HIVEP3: variants seen among roughly 807,000 people sequenced by gnomAD.
The protein encoded by HIVEP3 is HIVEP zinc finger 3, also known as transcription factor HIVEP3.
In HIVEP3, 49 loss-of-function variants were observed where a neutral mutation model predicts 152.8. The observed-to-expected ratio is 0.32, with a 90% CI of 0.26 to 0.41. HIVEP3 has a LOEUF of 0.41. HIVEP3 is among the 10% of genes least tolerant of loss of function. HIVEP3 has a pLI of 1.00. For synonymous variants in HIVEP3, 1,269 were observed against 1,289.0 expected (o/e 0.98, Z 0.33); for missense variants, 2,790 against 3,103.3 (o/e 0.90, Z 2.40).
chr1:41,763,974 G>A (rs1308903665), intron 1 of HIVEP3, among the ~76,000 whole-genome samples: 1 of 152,186 alleles, frequency 6.6e-6, no homozygotes, highest in Non-Finnish European at 1.5e-5. Context: ...GGAAGGAAGG[G>A]CTCTCCCAGC....
chr1:41,692,236 A>C (rs1188695263), intron 2 of HIVEP3, among the ~76,000 whole-genome samples: 1 of 152,198 alleles, frequency 6.6e-6, no homozygotes, highest in Non-Finnish European at 1.5e-5. Context: ...CCATATGGTA[A>C]ACAAGTGTCC....
At chr1:41,969,939 C>A (rs1446885431) in intron 1 of HIVEP3, among the ~76,000 whole-genome samples, 4 of 151,934 alleles carry the variant, frequency 2.6e-5, no homozygotes, top group Non-Finnish European at 4.4e-5. Flanking sequence ...ATGTGGCCAA[C>A]AAGCATGAAA....
intron 2 of HIVEP3, among the ~76,000 whole-genome samples, chr1:41,636,518 G>A (rs541474628): frequency 1.3e-5 from 2 of 152,186 alleles, no homozygotes; most frequent in Non-Finnish European, 2.9e-5. Context: ...TTAATCAACA[G>A]TTAAAAAGCA....
intron 1 of HIVEP3, among the ~76,000 whole-genome samples, chr1:41,751,474 G>A (rs1284624078): frequency 2.0e-5 from 3 of 151,916 alleles, no homozygotes; most frequent in Non-Finnish European, 4.4e-5. Flanking sequence ...TTTAACTTCT[G>A]CCTGCACCTT....
intron 1 of HIVEP3, among the ~76,000 whole-genome samples, chr1:41,936,945 C>T (rs1171541194): frequency 6.6e-6 from 1 of 152,072 alleles, no homozygotes; most frequent in African/African-American, 2.4e-5. Flanking sequence ...CCTATTTGGT[C>T]CTAACCTTTT....
chr1:41,524,553 C>T (rs921847389), intron 6 of HIVEP3, among the ~76,000 whole-genome samples, 182 bp downstream of exon 6: 2 of 152,098 alleles, frequency 1.3e-5, no homozygotes, highest in Non-Finnish European at 2.9e-5. Context: ...CCATGGGGAG[C>T]CACAGGCCAG....
chr1:41,926,979 G>A (rs1644971529), intron 1 of HIVEP3, among the ~76,000 whole-genome samples: 1 of 152,198 alleles, frequency 6.6e-6, no homozygotes. Context: ...TTGAGGCAGA[G>A]ACTCTGCTCA....
intron 1 of HIVEP3, among the ~76,000 whole-genome samples, chr1:41,946,676 T>C (rs927226742): frequency 1.3e-5 from 2 of 152,096 alleles, no homozygotes; most frequent in African/African-American, 4.8e-5. Flanking sequence ...AGGAAGGAAT[T>C]AATCCTGAAG....
intron 2 of HIVEP3, among the ~76,000 whole-genome samples, chr1:41,629,721 G>T (rs1173335418): frequency 6.6e-6 from 1 of 152,096 alleles, no homozygotes; most frequent in African/African-American, 2.4e-5. Context: ...AAACCACAAT[G>T]AAATGCCATC....
chr1:41,761,041 G>A (rs1003791492), intron 1 of HIVEP3, among the ~76,000 whole-genome samples: 1 of 152,268 alleles, frequency 6.6e-6, no homozygotes, highest in Non-Finnish European at 1.5e-5. Context: ...GCCAGACATG[G>A]AGGCACTGAG....
chr1:41,797,600 A>T (rs766098853), intron 1 of HIVEP3, among the ~76,000 whole-genome samples: 4 of 152,246 alleles, frequency 2.6e-5, no homozygotes, highest in Non-Finnish European at 5.9e-5. Flanking sequence ...CCACGACAGC[A>T]AAAGTCCCAA....
chr1:41,853,861 C>A (rs1003120515), intron 1 of HIVEP3, among the ~76,000 whole-genome samples: 1 of 152,140 alleles, frequency 6.6e-6, no homozygotes, highest in Non-Finnish European at 1.5e-5. Context: ...CCTTCAGCAG[C>A]GGCTCTAGGC....
intron 1 of HIVEP3, among the ~76,000 whole-genome samples, chr1:41,783,214 G>A (rs983821649): frequency 3.3e-5 from 5 of 152,130 alleles, no homozygotes; most frequent in South Asian, 4.1e-4. Context: ...AAGCTGGCAC[G>A]GACTAGATTG....
At chr1:41,905,598 G>A (rs1019895714) in intron 1 of HIVEP3, among the ~76,000 whole-genome samples, 3 of 152,182 alleles carry the variant, frequency 2.0e-5, no homozygotes, top group East Asian at 3.8e-4. Context: ...AGGAGACTGA[G>A]GCACATAGAG....
intron 5 of HIVEP3, among the ~76,000 whole-genome samples, chr1:41,565,976 T>C (rs1409182945): frequency 2.6e-5 from 4 of 152,102 alleles, no homozygotes; most frequent in Admixed American, 6.5e-5. Context: ...TTTTTAACCA[T>C]CCATGACTTG....
intron 1 of HIVEP3, among the ~76,000 whole-genome samples, chr1:42,029,952 T>G (rs1022301092): frequency 6.6e-6 from 1 of 152,224 alleles, no homozygotes; most frequent in Non-Finnish European, 1.5e-5. Context: ...TTTCCACCAG[T>G]GGCTGGAATG....
chr1:41,887,345 C>A (rs1435983780), intron 1 of HIVEP3, among the ~76,000 whole-genome samples: 1 of 152,124 alleles, frequency 6.6e-6, no homozygotes, highest in African/African-American at 2.4e-5. Context: ...TAAATATTCA[C>A]CATGGTACCT....
chr1:41,840,235 T>TA (rs1235148987), intron 1 of HIVEP3, among the ~76,000 whole-genome samples: 3 of 152,254 alleles, frequency 2.0e-5, no homozygotes, highest in East Asian at 3.9e-4. Flanking sequence ...TATTTGGAAA[T>TA]AGAGTCTTTG....
rs1397168173 is a variant in HIVEP3, at chr1:41,662,628, T to C, written c.-720-33681A>G. ...AGGGTCTCCTCGCCCGGGGAATCCCTGGCTGCCGGCGGCCGCGGGGAGGGT... is the reference window on the plus strand; with the variant it reads ...AGGGTCTCCTCGCCCGGGGAATCCCCGGCTGCCGGCGGCCGCGGGGAGGGT... On this transcript the variant is annotated intron_variant, in intron 2 of 8. Transcript: ENST00000372583. The surrounding 1 kb of genome is among the most constrained non-coding windows in gnomAD (Gnocchi z 7.2). Among the ~76,000 whole-genome samples, 1 of 150,652 alleles carries C rather than the reference T, an allele frequency of 6.6e-6. No individual in the cohort carries two copies. The highest frequency in any genetic ancestry group is 1.5e-5 in the Non-Finnish European group (1 of 67,400).
Sources: gnomAD v4.1 joint callset for allele counts (sites outside exome capture counted in the v4.1 genomes callset) on GRCh38, gnomAD v4.1.1 for gene constraint, Gnocchi (gnomAD v3.1) non-coding constraint, MANE v1.5 for transcripts, NCBI Gene and HGNC (gene_info 2026-07-23, HGNC 2026-07-21) for gene names.